Variants in LMTK2 observed in about 807,000 individuals in gnomAD.
LMTK2 encodes the protein lemur tail kinase 2.
Under a neutral mutation model 127.5 loss-of-function variants are expected in LMTK2, and 37 were observed. That is an observed-to-expected ratio of 0.29 (90% CI 0.22 to 0.38). LMTK2 has a LOEUF of 0.38. Among genes scored for constraint, LMTK2 ranks in the 10% least tolerant of loss-of-function variants. The probability of loss-of-function intolerance (pLI) is 1.00; values close to 1 mark genes in which losing one functional copy is unlikely to be tolerated. For synonymous variants in LMTK2, 819 were observed against 810.1 expected (o/e 1.01, Z -0.19); for missense variants, 1,694 against 1,920.3 (o/e 0.88, Z 2.20).
At chr7:98,188,903 G>A (rs1797477814) in intron 9 of LMTK2, among the ~76,000 whole-genome samples, 1 of 152,050 alleles carries the variant, frequency 6.6e-6, no homozygotes, top group Non-Finnish European at 1.5e-5. Flanking sequence ...GCCTTTCTCT[G>A]CCTTCTCCTA....
intron 2 of LMTK2, among the ~76,000 whole-genome samples, chr7:98,139,056 A>G (rs888660362): frequency 6.6e-6 from 1 of 152,214 alleles, no homozygotes; most frequent in African/African-American, 2.4e-5. Flanking sequence ...CTGGTAACAC[A>G]GGTGACTTGC....
intron 1 of LMTK2, among the ~76,000 whole-genome samples, chr7:98,120,690 CT>C (rs1796348440): frequency 6.6e-6 from 1 of 152,160 alleles, no homozygotes; most frequent in African/African-American, 2.4e-5. Flanking sequence ...CAATTTGCCC[CT>C]GTAGAAGGGT....
At chr7:98,182,262 A>C (rs1797366381) in intron 7 of LMTK2, among the ~76,000 whole-genome samples, 1 of 152,244 alleles carries the variant, frequency 6.6e-6, no homozygotes, top group Non-Finnish European at 1.5e-5. Flanking sequence ...GAAAATGTTT[A>C]AACTTTGTTA....
intron 1 of LMTK2, among the ~76,000 whole-genome samples, chr7:98,110,528 AT>A (rs1422963300): frequency 6.6e-6 from 1 of 152,218 alleles, no homozygotes; most frequent in Non-Finnish European, 1.5e-5. Flanking sequence ...ACCCAGTTAA[AT>A]TGCCAAACTA....
rs771783220 is a variant in LMTK2, at chr7:98,193,937, A to G, written c.3472A>G (p.Ser1158Gly). 12 of 1,614,126 alleles carry G rather than the reference A, an allele frequency of 7.4e-6. No individual in the cohort carries two copies. The highest frequency in any genetic ancestry group is 1.0e-5 in the Non-Finnish European group (12 of 1,180,044). Residue 1158 changes from serine (S) to glycine (G), a missense_variant, in exon 11 of 14, where the codon AGC (serine) becomes GGC (glycine). By Grantham distance (56) the Ser-to-Gly change is moderately conservative. Transcript: ENST00000297293. The surrounding 1 kb of genome is among the most constrained non-coding windows in gnomAD (Gnocchi z 4.1). ...AQDSCLEARKSQPDESCLSAL... is the reference protein window; with the variant it reads ...AQDSCLEARKGQPDESCLSAL... ...GGATAGCTGCCTGGAAGCCAGAAAG[A>G]GCCAGCCAGATGAAAGTTGTCTGTC...
intron 11 of LMTK2, among the ~76,000 whole-genome samples, chr7:98,198,528 C>T (rs931882665): frequency 1.3e-5 from 2 of 152,024 alleles, no homozygotes; most frequent in African/African-American, 2.4e-5. Context: ...GCTCTGTCGC[C>T]CAGGCTGTAG....
At chr7:98,172,326 A>T (rs1797206546) in intron 7 of LMTK2, among the ~76,000 whole-genome samples, 1 of 132,994 alleles carries the variant, frequency 7.5e-6, no homozygotes, top group Non-Finnish European at 1.6e-5. Context: ...TTTTTTTGAG[A>T]CGGAGTCTTG....
At chr7:98,154,224 T>A (rs1054378751) in intron 4 of LMTK2, among the ~76,000 whole-genome samples, 1 of 152,206 alleles carries the variant, frequency 6.6e-6, no homozygotes, top group Non-Finnish European at 1.5e-5. Context: ...TGGGGTGTTT[T>A]GAATGGAGAT....
intron 5 of LMTK2, 86 bp downstream of exon 5, chr7:98,154,962 C>T: frequency 1.3e-6 from 1 of 759,982 alleles, no homozygotes; most frequent in Non-Finnish European, 2.3e-6. Flanking sequence ...GGATTTCTGC[C>T]TGTAACATAC....
intron 5 of LMTK2, among the ~76,000 whole-genome samples, chr7:98,157,251 C>CGGTAGGTAGGTA (rs60034734): frequency 1.4e-5 from 2 of 142,046 alleles, no homozygotes; most frequent in East Asian, 2.1e-4. Context: ...GACCCTGTCT[C>CGGTAGGTAGGTA]GGTAGGTAGG....
At chr7:98,179,456 A>G (rs1263622835) in intron 7 of LMTK2, among the ~76,000 whole-genome samples, 1 of 152,198 alleles carries the variant, frequency 6.6e-6, no homozygotes, top group Non-Finnish European at 1.5e-5. Flanking sequence ...GGTGGTGCCC[A>G]GTGACGGAGC....
intron 1 of LMTK2, among the ~76,000 whole-genome samples, chr7:98,113,656 T>C (rs554767299): frequency 6.6e-6 from 1 of 152,210 alleles, no homozygotes; most frequent in South Asian, 2.1e-4. Flanking sequence ...GAAGGAATAT[T>C]CTCGGAGGAG....
chr7:98,204,325 AAAACT>A (rs1797756992), intron 13 of LMTK2, 139 bp downstream of exon 13: 1 of 1,156,464 alleles, frequency 8.6e-7, no homozygotes, highest in South Asian at 1.5e-5. Context: ...TTGTTTTTAT[AAAACT>A]CCCATCATCA....
rs750890663 is a variant in LMTK2, at chr7:98,191,827, G to A, written c.1362G>A (p.Arg454=). ...TTCTCGACCACTTTGCCAGGGACCG[G>A]CTGGGTCGTGAAATGGAGGAAGTCC... ...FPILDHFARD[R]LGREMEEVLT... Residue 454 remains arginine, a synonymous_variant, in exon 11 of 14, where the codon CGG becomes CGA. Transcript: ENST00000297293. 1.2e-6 allele frequency: 2 copies of A among 1,614,134 alleles called. No homozygotes were observed. Among genetic ancestry groups the A allele is most frequent in the Non-Finnish European group, 1.7e-6 (2 of 1,180,028 alleles).
intron 3 of LMTK2, among the ~76,000 whole-genome samples, chr7:98,145,894 C>A (rs1411928263): frequency 6.6e-6 from 1 of 152,064 alleles, no homozygotes; most frequent in East Asian, 1.9e-4. Context: ...TTGCCAAATC[C>A]CTGGTCAGGA....
At position 98,163,750 on chromosome 7, in the gene LMTK2, T is replaced by C. The variant is rs549234918; in HGVS notation, c.657+4325T>C. Among the ~76,000 whole-genome samples, 6 of 152,318 alleles carry C rather than the reference T, an allele frequency of 3.9e-5. No homozygotes were observed. In the South Asian group the frequency reaches 1.2e-3, roughly 32 times the overall value. On this transcript the variant is annotated intron_variant, in intron 6 of 13. Coordinates refer to ENST00000297293, the MANE Select transcript of LMTK2 (RefSeq NM_014916.4). ...TTGACACTGAGCCCAGCTCCCAGCCTGGATGACCCAAAACCTGCCCAGAAA... is the reference window on the plus strand; with the variant it reads ...TTGACACTGAGCCCAGCTCCCAGCCCGGATGACCCAAAACCTGCCCAGAAA...
chr7:98,187,056 CTCTT>C, intron 9 of LMTK2, 58 bp downstream of exon 9: 1 of 1,513,606 alleles, frequency 6.6e-7, no homozygotes, highest in Non-Finnish European at 9.0e-7. Context: ...TAACTTCTTC[CTCTT>C]TGAGTACTTC....
At chr7:98,173,534 G>A (rs528555429) in intron 7 of LMTK2, among the ~76,000 whole-genome samples, 2 of 152,010 alleles carry the variant, frequency 1.3e-5, no homozygotes, top group African/African-American at 4.8e-5. Context: ...GGAGAAGGGG[G>A]TTTAATTTTA....
chr7:98,112,966 C>G (rs1458888759), intron 1 of LMTK2, among the ~76,000 whole-genome samples: 1 of 152,166 alleles, frequency 6.6e-6, no homozygotes, highest in Non-Finnish European at 1.5e-5. Flanking sequence ...AAGCAATCCT[C>G]CTGCCTCAGC....
Sources: gnomAD v4.1 joint callset for allele counts (sites outside exome capture counted in the v4.1 genomes callset) on GRCh38, gnomAD v4.1.1 for gene constraint, Gnocchi (gnomAD v3.1) non-coding constraint, MANE v1.5 for transcripts, NCBI Gene and HGNC (gene_info 2026-07-23, HGNC 2026-07-21) for gene names.